Variants in RSF1 observed in about 807,000 individuals in gnomAD.
The protein encoded by RSF1 is HBV pX-associated protein 8.
RSF1 carries 13 observed loss-of-function variants against 145.2 expected under a neutral mutation model. That is an observed-to-expected ratio of 0.09 (90% CI 0.06 to 0.14). RSF1 has a LOEUF of 0.14. RSF1 is among the 10% of genes least tolerant of loss of function. The pLI, the probability that RSF1 is intolerant of heterozygous loss-of-function variation, is 1.00. For synonymous variants in RSF1, 577 were observed against 592.6 expected, an observed-to-expected ratio of 0.97 and a Z score of 0.38; for missense variants, 1,517 against 1,718.2, an observed-to-expected ratio of 0.88 and a Z score of 2.07.
At chr11:77,801,049 T>G (rs1948621189) in intron 1 of RSF1, among the ~76,000 whole-genome samples, 1 of 151,600 alleles carries the variant, frequency 6.6e-6, no homozygotes, top group Non-Finnish European at 1.5e-5. Flanking sequence ...CTTCTCAAAC[T>G]CCTCCAAAAC....
chr11:77,822,175 C>G (rs192086629), upstream of RSF1, among the ~76,000 whole-genome samples: 73 of 152,108 alleles, frequency 4.8e-4, no homozygotes, highest in Non-Finnish European at 7.9e-4. Flanking sequence ...CGCGGTGGCT[C>G]ATGCCTGTAA....
At chr11:77,842,508 T>C in the RSF1 span, 1 of 1,613,818 alleles carries the variant, frequency 6.2e-7, no homozygotes, top group Non-Finnish European at 8.5e-7. Flanking sequence ...TGACTTCCCC[T>C]GAAATTGCTT....
At chr11:77,764,727 AT>A in intron 1 of RSF1, 38 bp from the exon 2 acceptor site, 2 of 1,186,590 alleles carry the variant, frequency 1.7e-6, no homozygotes, top group Non-Finnish European at 2.5e-6. Flanking sequence ...AGCCAACAAA[AT>A]AAAACAATTC....
chr11:77,842,456 G>A, the RSF1 span: 133 of 1,604,732 alleles, frequency 8.3e-5, 1 homozygote, highest in African/African-American at 1.4e-3. Flanking sequence ...AACTGATTTA[G>A]TATATTTTTC....
chr11:77,692,267 C>CA (rs1565149938), intron 8 of RSF1, among the ~76,000 whole-genome samples: 2 of 13,034 alleles, frequency 1.5e-4, no homozygotes, highest in African/African-American at 1.4e-3. Flanking sequence ...TTTTTTGAGA[C>CA]GGAGTCTCGC....
intron 1 of RSF1, among the ~76,000 whole-genome samples, chr11:77,817,652 T>C (rs1948794848): frequency 6.6e-6 from 1 of 152,192 alleles, no homozygotes; most frequent in Non-Finnish European, 1.5e-5. Context: ...GGAAATCATA[T>C]TCTACCATTA....
chr11:77,671,780 G>A lies in RSF1; in HGVS notation c.3751+262C>T, dbSNP rs771072373. ...CTCCTGAGTAGCTAAGATTACAGGC[G>A]CGTATCACCACACAGGCTAATTTTT... On this transcript the variant is annotated intron_variant, in intron 15 of 15. Transcript: ENST00000308488. 4.0e-5 allele frequency among the ~76,000 whole-genome samples: 6 copies of A among 151,886 alleles called. No homozygotes were observed. The East Asian group carries it at 5.8e-4, about 15-fold the overall frequency.
At chr11:77,724,817 C>T (rs780246653) in intron 5 of RSF1, among the ~76,000 whole-genome samples, 23 of 152,088 alleles carry the variant, frequency 1.5e-4, no homozygotes, top group Non-Finnish European at 2.9e-4. Flanking sequence ...GGAGCTTGGG[C>T]GGTAATGCTC....
chr11:77,720,856 T>C (rs1337158242), intron 5 of RSF1, among the ~76,000 whole-genome samples: 1 of 152,230 alleles, frequency 6.6e-6, no homozygotes, highest in Non-Finnish European at 1.5e-5. Context: ...AGATTCTGAA[T>C]GTTAGTCTAG....
At chr11:77,762,044 T>A (rs1948180713) in intron 2 of RSF1, 1 of 138,238 alleles carries the variant, frequency 7.2e-6, no homozygotes, top group South Asian at 2.4e-4. Flanking sequence ...TTTTTTTTTT[T>A]TTTTTGTAGA....
intron 4 of RSF1, chr11:77,739,676 A>G (rs185983666): frequency 2.4e-4 from 36 of 152,344 alleles, no homozygotes; most frequent in African/African-American, 8.2e-4. Flanking sequence ...TAATGTCAGG[A>G]AAGTTTTTCA....
chr11:77,745,393 T>C (rs971267513), intron 3 of RSF1, among the ~76,000 whole-genome samples: 3 of 152,160 alleles, frequency 2.0e-5, no homozygotes, highest in South Asian at 2.1e-4. Context: ...TTTTTTAATA[T>C]GGCCATCGAT....
At chr11:77,833,009 A>ATTTTTTT in the RSF1 span, among the ~76,000 whole-genome samples, 7 of 60,034 alleles carry the variant, frequency 1.2e-4, no homozygotes, top group African/African-American at 2.8e-4. Context: ...ATATATATAT[A>ATTTTTTT]TTTTTTTTTT....
chr11:77,842,095 CTTTAAT>C, the RSF1 span, among the ~76,000 whole-genome samples: 1 of 152,120 alleles, frequency 6.6e-6, no homozygotes, highest in Non-Finnish European at 1.5e-5. Flanking sequence ...TGGTATATGC[CTTTAAT>C]TTTATTTCTA....
intron 1 of RSF1, among the ~76,000 whole-genome samples, chr11:77,774,798 C>T (rs1948325171): frequency 6.7e-6 from 1 of 149,296 alleles, no homozygotes; most frequent in Non-Finnish European, 1.5e-5. Flanking sequence ...CGGACTCTTG[C>T]ACTGTCACCC....
In RSF1 at chr11:77,701,367, C is replaced by A; in HGVS notation, c.1862G>T (p.Gly621Val). 6.2e-7 allele frequency: 1 copy of A among 1,613,934 alleles called. No individual in the cohort carries two copies. The highest frequency in any genetic ancestry group is 8.5e-7 in the Non-Finnish European group (1 of 1,180,002). The change falls in exon 6 of 16, where the codon GGC becomes GTC. Residue 621 changes from glycine to valine, a missense_variant. Transcript: ENST00000308488. ...PKSTLESEKP[G>V]SPEAAETSPP... ...AGAAGTTTCAGCTGCCTCAGGAGAG[C>A]CAGGCTTTTCTGACTCTAGAGTACT...
chr11:77,841,681 G>A, the RSF1 span, among the ~76,000 whole-genome samples: 1 of 152,136 alleles, frequency 6.6e-6, no homozygotes, highest in Non-Finnish European at 1.5e-5. Flanking sequence ...AATCTTTGAT[G>A]CATATCCTTG....
At position 77,701,058 on chromosome 11, in the gene RSF1, A is replaced by C; in HGVS notation, c.2171T>G (p.Ile724Arg). Residue 724 changes from isoleucine (I) to arginine (R), a missense_variant, in exon 6 of 16, where the codon ATA becomes AGA. Coordinates refer to ENST00000308488, the MANE Select transcript of RSF1 (RefSeq NM_016578.4). ...GCCCTCTTTCTGCCTTTCAGAGGTT[A>C]TCTCTGTATTTTCTGAGGCAGTGGT... ...EETTASENTE[I>R]TSERQKEGIK... 1 of 1,613,692 alleles carries C rather than the reference A, an allele frequency of 6.2e-7. No homozygotes were observed. Among genetic ancestry groups the C allele is most frequent in the South Asian group, 1.1e-5 (1 of 91,046 alleles).
intron 1 of RSF1, among the ~76,000 whole-genome samples, chr11:77,769,852 A>G (rs1948264216): frequency 6.6e-6 from 1 of 152,220 alleles, no homozygotes; most frequent in African/African-American, 2.4e-5. Flanking sequence ...TAAGCTTATA[A>G]GCAGAGATAC....
Sources: gnomAD v4.1 joint callset for allele counts (sites outside exome capture counted in the v4.1 genomes callset) on GRCh38, gnomAD v4.1.1 for gene constraint, MANE v1.5 for transcripts, NCBI Gene and HGNC (gene_info 2026-07-23, HGNC 2026-07-21) for gene names.